The following STXBP5L variants were observed in gnomAD, a reference collection of about 807,000 sequenced individuals.
STXBP5L encodes syntaxin-binding protein 5-like.
In STXBP5L, 65 loss-of-function variants were observed where a neutral mutation model predicts 144.5. That is an observed-to-expected ratio of 0.45 (90% confidence interval 0.37 to 0.55). The LOEUF (loss-of-function observed/expected upper bound fraction) is 0.55. Ranked by LOEUF, STXBP5L falls within the 20% of genes least tolerant of loss-of-function variation. The probability of loss-of-function intolerance (pLI) is 0.00; values close to 1 mark genes in which losing one functional copy is unlikely to be tolerated. For synonymous variants in STXBP5L, 505 were observed against 469.6 expected (o/e 1.08, Z -0.97); for missense variants, 1,298 against 1,405.5 (o/e 0.92, Z 1.22).
chr3:120,964,847 ATCTG>A (rs1469182779), intron 3 of STXBP5L, among the ~76,000 whole-genome samples: 5 of 152,148 alleles, frequency 3.3e-5, no homozygotes, highest in Admixed American at 6.5e-5. Flanking sequence ...TGTCTCATTG[ATCTG>A]TCTAATTTTG....
chr3:120,945,774 G>T (rs1047682062), intron 2 of STXBP5L, among the ~76,000 whole-genome samples: 1 of 151,756 alleles, frequency 6.6e-6, no homozygotes, highest in Non-Finnish European at 1.5e-5. Flanking sequence ...TGGTGGAAAC[G>T]CTATTACTGG....
chr3:121,399,080 C>G (rs1257542312), intron 22 of STXBP5L, among the ~76,000 whole-genome samples: 1 of 152,172 alleles, frequency 6.6e-6, no homozygotes, highest in Admixed American at 6.6e-5. Context: ...ACCTCTCCCT[C>G]CTTTTCCACT....
intron 18 of STXBP5L, among the ~76,000 whole-genome samples, chr3:121,264,335 G>A (rs1224907511): frequency 6.6e-6 from 1 of 152,138 alleles, no homozygotes; most frequent in Non-Finnish European, 1.5e-5. Flanking sequence ...TTCTCCAACT[G>A]TGAGCTTATG....
intron 3 of STXBP5L, among the ~76,000 whole-genome samples, chr3:120,974,847 A>T (rs1379952375): frequency 6.6e-6 from 1 of 152,044 alleles, no homozygotes; most frequent in Non-Finnish European, 1.5e-5. Flanking sequence ...AAGATCAGAT[A>T]GTTGTAGATA....
rs560873402 is a variant in STXBP5L at position 121,024,096 on chromosome 3, T to C, written c.288-17604T>C. Among the ~76,000 whole-genome samples, 5 of 152,098 alleles carry C rather than the reference T, an allele frequency of 3.3e-5. No homozygotes were observed. In the South Asian group the frequency reaches 6.2e-4, roughly 19 times the overall value. On this transcript the variant is annotated intron_variant, in intron 3 of 26. Transcript: ENST00000471454. ...TTAAACAAAAAATGAAAAATAAAAATTGCCCTGCGAAAGACACTCTTAAAG... is the reference window on the plus strand; with the variant it reads ...TTAAACAAAAAATGAAAAATAAAAACTGCCCTGCGAAAGACACTCTTAAAG...
chr3:121,182,191 G>C (rs916499914), intron 9 of STXBP5L, among the ~76,000 whole-genome samples: 3 of 152,106 alleles, frequency 2.0e-5, no homozygotes, highest in Non-Finnish European at 4.4e-5. Flanking sequence ...CATATTTACA[G>C]AACATTCAAC....
intron 19 of STXBP5L, among the ~76,000 whole-genome samples, chr3:121,285,529 C>G (rs901643412): frequency 6.6e-6 from 1 of 152,024 alleles, no homozygotes; most frequent in African/African-American, 2.4e-5. Context: ...AGGTTAGGCT[C>G]CAAACAGCTG....
intron 5 of STXBP5L, among the ~76,000 whole-genome samples, chr3:121,079,919 G>A (rs1447422986): frequency 1.3e-5 from 2 of 152,178 alleles, no homozygotes; most frequent in Non-Finnish European, 2.9e-5. Flanking sequence ...TGTCAGTGGA[G>A]TATTGAAGTG....
chr3:121,241,919 G>A lies in STXBP5L; in HGVS notation c.1400+1412G>A, dbSNP rs750415788. Among the ~76,000 whole-genome samples the A allele has an allele frequency of 6.8e-4, 104 of 152,206 alleles. 1 individual carries two copies. The highest frequency in any genetic ancestry group is 1.4e-3 in the Non-Finnish European group (92 of 68,008). ...AGAGAAATGACATCTGACCTATGGG[G>A]CCAAACCAATTTGAATGACAGCAGA... is the stretch of plus-strand genomic sequence containing the variant. On this transcript the variant is annotated intron_variant, in intron 14 of 26. Coordinates refer to ENST00000471454, the MANE Select transcript of STXBP5L (RefSeq NM_001308330.2).
chr3:121,287,166 C>T (rs2051260468), intron 19 of STXBP5L, among the ~76,000 whole-genome samples: 3 of 152,138 alleles, frequency 2.0e-5, no homozygotes, highest in African/African-American at 4.8e-5. Flanking sequence ...TTTCCACTAC[C>T]CTAAATAGAA....
chr3:121,193,122 A>G (rs1396446193), intron 9 of STXBP5L, among the ~76,000 whole-genome samples: 2 of 142,834 alleles, frequency 1.4e-5, no homozygotes, highest in Admixed American at 6.9e-5. Flanking sequence ...AAACAAATTT[A>G]CAAGAAAAAA....
chr3:120,976,641 T>A (rs374333595), intron 3 of STXBP5L, among the ~76,000 whole-genome samples: 1 of 152,120 alleles, frequency 6.6e-6, no homozygotes, highest in East Asian at 1.9e-4. Context: ...GATGTTAGGG[T>A]GTCAATTTTG....
intron 5 of STXBP5L, among the ~76,000 whole-genome samples, chr3:121,083,986 T>C (rs1176121347): frequency 6.6e-6 from 1 of 152,066 alleles, no homozygotes; most frequent in East Asian, 1.9e-4. Flanking sequence ...CCTAAAAAAA[T>C]CTCCTACTAG....
At chr3:121,290,254 T>C (rs534339464) in intron 19 of STXBP5L, among the ~76,000 whole-genome samples, 329 of 152,160 alleles carry the variant, frequency 2.2e-3, no homozygotes, top group Non-Finnish European at 3.7e-3. Flanking sequence ...CAAAAGGTCA[T>C]TCAAGACTAC....
rs746736616 is a variant in STXBP5L, at chr3:121,240,461, G to C, written c.1354G>C (p.Ala452Pro). 5 of 1,613,524 alleles carry C rather than the reference G, an allele frequency of 3.1e-6. No individual in the cohort carries two copies. Among genetic ancestry groups the C allele is most frequent in the Non-Finnish European group, 8.5e-7 (1 of 1,179,714 alleles). ...TTAGGAGTGGCCAATCAGTGGAGGA[G>C]CTTGGAACCTTGGAGCACAAACATA... The part of the protein sequence containing the change: ...SNKEWPISGG[A>P]WNLGAQTYPE... Residue 452 changes from alanine to proline, a missense_variant, in exon 14 of 27, where the codon GCT becomes CCT. Ala to Pro is a conservative substitution (Grantham distance 27). Coordinates refer to ENST00000471454, the MANE Select transcript of STXBP5L (RefSeq NM_001308330.2).
chr3:121,373,651 G>A (rs2108666016), intron 20 of STXBP5L, among the ~76,000 whole-genome samples: 1 of 152,244 alleles, frequency 6.6e-6, no homozygotes, highest in African/African-American at 2.4e-5. Flanking sequence ...ACATCAGAGA[G>A]GCTGTATACT....
intron 3 of STXBP5L, among the ~76,000 whole-genome samples, chr3:121,012,167 C>G (rs1437039153): frequency 6.6e-6 from 1 of 151,772 alleles, no homozygotes; most frequent in Non-Finnish European, 1.5e-5. Flanking sequence ...AAATAAAATT[C>G]TATTTTATGG....
rs139953194 is a variant in STXBP5L at position 121,095,047 on chromosome 3, G to C, written c.471-19878G>C. Among the ~76,000 whole-genome samples the C allele has an allele frequency of 7.6e-3, 1,160 of 152,170 alleles. 19 individuals are homozygous for C. Among genetic ancestry groups the C allele is most frequent in the African/African-American group, 0.026 (1,061 of 41,512 alleles). The stretch of plus-strand genomic sequence containing the variant: ...TTGTCTGTAAAGCCTCACTTATGAA[G>C]CTTAGTTTGGCTGGATATGAAATTC... On this transcript the variant is annotated intron_variant, in intron 5 of 26. Transcript: ENST00000471454.
At chr3:121,003,794 A>G (rs1245598813) in intron 3 of STXBP5L, among the ~76,000 whole-genome samples, 5 of 152,166 alleles carry the variant, frequency 3.3e-5, no homozygotes, top group Admixed American at 2.0e-4. Flanking sequence ...TCCCAGCACC[A>G]TTTATTAAAT....
Sources: gnomAD v4.1 joint callset for allele counts (sites outside exome capture counted in the v4.1 genomes callset) on GRCh38, gnomAD v4.1.1 for gene constraint, MANE v1.5 for transcripts, NCBI Gene and HGNC (gene_info 2026-07-23, HGNC 2026-07-21) for gene names.